The following SSPN variants were observed in gnomAD, a reference collection of about 807,000 sequenced individuals.
The protein encoded by SSPN is sarcospan.
Under a neutral mutation model 19.1 loss-of-function variants are expected in SSPN, and 15 were observed. That is an observed-to-expected ratio of 0.78 (90% CI 0.52 to 1.21). The LOEUF is 1.21. Ranked by LOEUF, SSPN falls within the 50% of genes most tolerant of loss-of-function variation. The probability of loss-of-function intolerance (pLI) is 0.00; values close to 1 mark genes in which losing one functional copy is unlikely to be tolerated. For missense variants in SSPN, 291 were observed against 314.0 expected, an observed-to-expected ratio of 0.93 and a Z score of 0.55; for synonymous variants, 147 against 140.3, an observed-to-expected ratio of 1.05 and a Z score of -0.34.
At chr12:26,154,112 A>T (rs1033643647) in intron 1 of SSPN, among the ~76,000 whole-genome samples, 1 of 152,228 alleles carries the variant, frequency 6.6e-6, no homozygotes, top group African/African-American at 2.4e-5. Flanking sequence ...TATCTTGGGC[A>T]TATTTCTCTT....
chr12:26,163,704 T>A (rs1215229009), intron 1 of SSPN, among the ~76,000 whole-genome samples: 1 of 152,198 alleles, frequency 6.6e-6, no homozygotes, highest in Non-Finnish European at 1.5e-5. Flanking sequence ...CTTAATATTA[T>A]CACATTGGCA....
intron 1 of SSPN, among the ~76,000 whole-genome samples, chr12:26,172,723 A>G (rs938146723): frequency 6.6e-6 from 1 of 151,078 alleles, no homozygotes; most frequent in Non-Finnish European, 1.5e-5. Context: ...CCTCAAAAAC[A>G]CTTGTTTTTA....
At chr12:26,188,548 C>T (rs114400680) in intron 1 of SSPN, among the ~76,000 whole-genome samples, 2,882 of 152,256 alleles carry the variant, frequency 0.019, 92 homozygotes, top group African/African-American at 0.066. Context: ...AATTATAATT[C>T]ATCCCTGTGT....
chr12:26,150,128 C>T (rs1487862270), intron 1 of SSPN, among the ~76,000 whole-genome samples: 5 of 152,112 alleles, frequency 3.3e-5, no homozygotes, highest in East Asian at 3.8e-4. Flanking sequence ...TTGATTGTGT[C>T]AGGAAGTGCT....
At chr12:26,142,835 A>C (rs1944468601) in intron 1 of SSPN, among the ~76,000 whole-genome samples, 2 of 152,192 alleles carry the variant, frequency 1.3e-5, no homozygotes, top group Admixed American at 6.5e-5. Context: ...AAGAATAAAG[A>C]ATGTGCTGTC....
At chr12:26,140,426 C>T (rs1944453503) in intron 1 of SSPN, among the ~76,000 whole-genome samples, 1 of 152,226 alleles carries the variant, frequency 6.6e-6, no homozygotes, top group South Asian at 2.1e-4. Context: ...TCCTCACCAT[C>T]TTCAGTGCTG....
chr12:26,214,633 AC>A (rs1945027069), intron 1 of SSPN: 1 of 152,206 alleles, frequency 6.6e-6, no homozygotes, highest in Admixed American at 6.5e-5. Flanking sequence ...ATAGTTCTAT[AC>A]TTGATTTTAC....
chr12:26,165,943 G>A (rs1158300648), intron 1 of SSPN, among the ~76,000 whole-genome samples: 2 of 152,144 alleles, frequency 1.3e-5, no homozygotes, highest in East Asian at 3.9e-4. Flanking sequence ...CTAGGCTCTC[G>A]CTTCAGATGG....
intron 1 of SSPN, among the ~76,000 whole-genome samples, chr12:26,218,650 A>G (rs1945086446): frequency 6.6e-6 from 1 of 152,128 alleles, no homozygotes; most frequent in Non-Finnish European, 1.5e-5. Flanking sequence ...TCCAGTAAAA[A>G]TGTTTAAGTC....
intron 1 of SSPN, among the ~76,000 whole-genome samples, chr12:26,206,236 A>AC (rs1380353900): frequency 1.3e-5 from 2 of 152,036 alleles, no homozygotes; most frequent in African/African-American, 2.4e-5. Context: ...GGGGACACTG[A>AC]CCTCCTCATG....
At chr12:26,122,891 C>T (rs958397913) in intron 1 of SSPN, 2 of 1,551,256 alleles carry the variant, frequency 1.3e-6, no homozygotes, top group Non-Finnish European at 1.7e-6. Flanking sequence ...CCAGCTTCTG[C>T]CCCGCGCGCT....
intron 1 of SSPN, among the ~76,000 whole-genome samples, chr12:26,141,385 C>A (rs879896985): frequency 1.3e-5 from 2 of 152,208 alleles, no homozygotes; most frequent in African/African-American, 4.8e-5. Context: ...CCCTTGCAAA[C>A]ATCTTGAGTT....
At chr12:26,178,676 C>A (rs944855050) in intron 1 of SSPN, among the ~76,000 whole-genome samples, 1 of 152,154 alleles carries the variant, frequency 6.6e-6, no homozygotes, top group South Asian at 2.1e-4. Context: ...GGTGCAGACA[C>A]GTGCCTCAGC....
intron 1 of SSPN, among the ~76,000 whole-genome samples, chr12:26,137,534 GAGGTGACT>G (rs1325342009): frequency 3.3e-5 from 5 of 150,746 alleles, no homozygotes; most frequent in African/African-American, 9.8e-5. Context: ...TGCCTGTTGT[GAGGTGACT>G]AGTATTTCTG....
chr12:26,232,271 A>G lies in SSPN; in HGVS notation c.*1195A>G. 1.0e-6 allele frequency: 1 copy of G among 985,424 alleles called. No individual in the cohort carries two copies. The highest frequency in any genetic ancestry group is 1.2e-6 in the Non-Finnish European group (1 of 829,934). The allele number at this position is 985,424 out of a possible 1,614,324, so 61.0% of individuals were successfully genotyped here. On this transcript the variant is annotated 3_prime_UTR_variant, in exon 3 of 3. Coordinates refer to ENST00000242729, the MANE Select transcript of SSPN (RefSeq NM_005086.5). ...AATAATGTTTTGAAGTTCTTATTTGAGCAATATGGCCTTGACTTGGAGGGT... is the reference window on the plus strand; with the variant it reads ...AATAATGTTTTGAAGTTCTTATTTGGGCAATATGGCCTTGACTTGGAGGGT...
At position 26,231,250 on chromosome 12, in the gene SSPN, A is replaced by AT. The variant is rs544273341; in HGVS notation, c.*182dup. ...GAGCATTTCTTCAGGTTTCTATTGT[A>AT]TTTTTTTTAACATTCTTGCAGAGAA... On this transcript the variant is annotated 3_prime_UTR_variant, in exon 3 of 3. Transcript: ENST00000242729. 7.9e-4 allele frequency: 829 copies of AT among 1,050,566 alleles called. 1 individual carries two copies. The highest frequency in any genetic ancestry group is 5.2e-3 in the Middle Eastern group (16 of 3,078). The allele number at this position is 1,050,566 out of a possible 1,614,324, so 65.1% of individuals were successfully genotyped here.
intron 1 of SSPN, among the ~76,000 whole-genome samples, chr12:26,169,388 C>G (rs1944640898): frequency 6.6e-6 from 1 of 152,066 alleles, no homozygotes; most frequent in Admixed American, 6.6e-5. Flanking sequence ...CAGAAGCACT[C>G]ATTTGCCTTG....
intron 1 of SSPN, among the ~76,000 whole-genome samples, chr12:26,218,237 T>C (rs1030150428): frequency 8.0e-6 from 1 of 124,664 alleles, no homozygotes; most frequent in African/African-American, 3.0e-5. Flanking sequence ...AAACACCGCA[T>C]ATTCTCACTC....
chr12:26,162,725 T>C (rs1944596667), intron 1 of SSPN, among the ~76,000 whole-genome samples: 1 of 152,134 alleles, frequency 6.6e-6, no homozygotes. Flanking sequence ...AAATTTAAAG[T>C]GGTGAGCAAG....
Sources: gnomAD v4.1 joint callset for allele counts (sites outside exome capture counted in the v4.1 genomes callset) on GRCh38, gnomAD v4.1.1 for gene constraint, MANE v1.5 for transcripts, NCBI Gene and HGNC (gene_info 2026-07-23, HGNC 2026-07-21) for gene names.